Variants in ZNF30 observed in about 807,000 individuals in gnomAD.
ZNF30 encodes the protein zinc finger protein 30 (KOX 28).
ZNF30 carries 15 observed loss-of-function variants against 13.2 expected under a neutral mutation model. The observed-to-expected ratio is 1.13, with a 90% confidence interval of 0.76 to 1.75. The LOEUF (loss-of-function observed/expected upper bound fraction) is 1.75. Among genes scored for constraint, ZNF30 ranks in the 40% most tolerant of loss-of-function variants. The pLI is 0.00. For missense variants in ZNF30, 726 were observed against 757.0 expected (o/e 0.96, Z 0.48); for synonymous variants, 223 against 256.6 (o/e 0.87, Z 1.25).
intron 4 of ZNF30, 147 bp from the exon 5 acceptor site, chr19:34,943,075 TC>T: frequency 1.7e-6 from 1 of 578,588 alleles, no homozygotes; most frequent in Non-Finnish European, 2.8e-6. Context: ...ATCTCTGCAT[TC>T]CTTTTTTTTT....
intron 4 of ZNF30, among the ~76,000 whole-genome samples, chr19:34,936,615 G>C (rs1012966427): frequency 2.0e-5 from 3 of 152,182 alleles, no homozygotes; most frequent in African/African-American, 7.2e-5. Context: ...TTGGGATGCA[G>C]CTGTGCTTGG....
At position 34,943,637 on chromosome 19, in the gene ZNF30, G is replaced by T. The variant is rs759782832; in HGVS notation, c.671G>T (p.Ser224Ile). ...SGSYQLTVHKSIHTGKKPYEC... is the reference protein window; with the variant it reads ...SGSYQLTVHKIIHTGKKPYEC... ...AGCTATCAACTTACAGTACATAAGA[G>T]TATTCATACTGGGAAGAAACCATAT... Residue 224 changes from serine (S) to isoleucine (I), a missense_variant, in exon 5 of 5, where the codon AGT (serine) becomes ATT (isoleucine). By Grantham distance (142) the Ser-to-Ile change is moderately radical. Coordinates refer to ENST00000601142, the MANE Select transcript of ZNF30 (RefSeq NM_194325.3). 4 of 1,613,750 alleles carry T rather than the reference G, an allele frequency of 2.5e-6. No individual in the cohort carries two copies. The highest frequency in any genetic ancestry group is 1.7e-5 in the Admixed American group (1 of 59,976).
upstream of ZNF30, chr19:34,926,712 T>G: frequency 2.6e-6 from 1 of 381,056 alleles, no homozygotes; most frequent in Non-Finnish European, 4.6e-6. Flanking sequence ...TTTGTTTTTG[T>G]TTTTGCTTTT....
chr19:34,939,028 G>C (rs560462807), intron 4 of ZNF30, among the ~76,000 whole-genome samples: 1 of 152,102 alleles, frequency 6.6e-6, no homozygotes, highest in African/African-American at 2.4e-5. Flanking sequence ...ATTTAAAAGA[G>C]ATTCTACATT....
intron 4 of ZNF30, among the ~76,000 whole-genome samples, chr19:34,936,583 G>A (rs529248715): frequency 6.6e-6 from 1 of 152,250 alleles, no homozygotes; most frequent in South Asian, 2.1e-4. Flanking sequence ...CTCAGGGAGA[G>A]TTTAGGCTTA....
chr19:34,943,730 C>A lies in ZNF30; in HGVS notation c.764C>A (p.Thr255Asn), dbSNP rs1600233707. ...CTTACCCGGCATCAGAGTACTCACA[C>A]TGGTGAAAAACCCTTTGGGTGTGAG... ...GKLTRHQSTH[T>N]GEKPFGCEEC... Residue 255 changes from threonine (T) to asparagine (N), a missense_variant, in exon 5 of 5, where the codon ACT becomes AAT. Thr to Asn is a moderately conservative substitution (Grantham distance 65). Transcript: ENST00000601142. 3 of 1,613,822 alleles carry A rather than the reference C, an allele frequency of 1.9e-6. No individual in the cohort carries two copies. Among genetic ancestry groups the A allele is most frequent in the Non-Finnish European group, 2.5e-6 (3 of 1,179,808 alleles).
upstream of ZNF30, among the ~76,000 whole-genome samples, chr19:34,925,282 GGTTCC>G (rs757816095): frequency 7.2e-4 from 109 of 152,250 alleles, 2 homozygotes; most frequent in Admixed American, 4.6e-4. Flanking sequence ...CATATCCCGG[GGTTCC>G]TGTCTTGGTG....
At chr19:34,933,508 G>T in intron 3 of ZNF30, 120 bp from the exon 4 acceptor site, 1 of 630,774 alleles carries the variant, frequency 1.6e-6, no homozygotes. Context: ...TGCCCTTCTC[G>T]TGTCTGAGAT....
chr19:34,944,573 G>A lies in ZNF30; in HGVS notation c.1607G>A (p.Gly536Glu), dbSNP rs1000516327. The part of the protein sequence containing the change: ...YLVQHQRIHT[G>E]EKPYECNKCG... Reference sequence around the variant, plus strand: ...GTTCAGCATCAAAGAATTCATACTGGGGAGAAACCCTATGAATGTAACAAA... The same window carrying A: ...GTTCAGCATCAAAGAATTCATACTGAGGAGAAACCCTATGAATGTAACAAA... Residue 536 changes from glycine to glutamate, a missense_variant, in exon 5 of 5, where the codon GGG becomes GAG. Transcript: ENST00000601142. The A allele has an allele frequency of 2.4e-5, 39 of 1,614,028 alleles. No individual in the cohort carries two copies. The highest frequency in any genetic ancestry group is 3.0e-5 in the Non-Finnish European group (35 of 1,180,024).
chr19:34,931,729 G>A, intron 2 of ZNF30, 114 bp from the exon 3 acceptor site: 1 of 1,039,800 alleles, frequency 9.6e-7, no homozygotes, highest in Non-Finnish European at 1.4e-6. Flanking sequence ...TCATCCACTT[G>A]CCACATCATA....
intron 1 of ZNF30, 34 bp from the exon 2 acceptor site, chr19:34,929,850 T>G (rs762535733): frequency 8.6e-7 from 1 of 1,166,004 alleles, no homozygotes; most frequent in Admixed American, 2.4e-5. Context: ...TTGAGAACAC[T>G]AAAGCCTCCT....
In ZNF30 at chr19:34,931,983, G is replaced by A; in HGVS notation, c.150G>A (p.Leu50=). The change falls in exon 3 of 5, where the codon TTG becomes TTA. Residue 50 remains leucine (L), a synonymous_variant. Transcript: ENST00000601142. ...RDVMLENYRN[L]VSMGHSRSKP... ...TGATGTTGGAGAACTACAGGAACTT[G>A]GTGTCAATGGGTAAGTGTACTTCTC... The A allele has an allele frequency of 6.3e-7, 1 of 1,596,028 alleles. No individual in the cohort carries two copies. Among genetic ancestry groups the A allele is most frequent in the South Asian group, 1.1e-5 (1 of 87,474 alleles).
chr19:34,928,658 C>A (rs572243628), intron 1 of ZNF30, among the ~76,000 whole-genome samples: 1 of 151,320 alleles, frequency 6.6e-6, no homozygotes, highest in Admixed American at 6.6e-5. Flanking sequence ...CATGGTGAAA[C>A]CCTGTCTCTA....
chr19:34,941,518 C>A (rs1339910128), intron 4 of ZNF30, among the ~76,000 whole-genome samples: 1 of 152,230 alleles, frequency 6.6e-6, no homozygotes, highest in African/African-American at 2.4e-5. Context: ...CCACTGGTTT[C>A]CCAAAGTGCT....
Position 34,929,923 on chromosome 19 carries a change from G to A in ZNF30, c.-25G>A, listed in dbSNP as rs746782544. 21 of 1,603,714 alleles carry A rather than the reference G, an allele frequency of 1.3e-5. No individual in the cohort carries two copies. In the South Asian group the frequency reaches 2.4e-4, roughly 18 times the overall value. ...AGATAGAGGAACCCCAGTGAAGACT[G>A]ATCAGTTCTTACAATTCTCAAAGCA... On this transcript the variant is annotated 5_prime_UTR_variant, in exon 2 of 5. Coordinates refer to ENST00000601142, the MANE Select transcript of ZNF30 (RefSeq NM_194325.3).
intron 2 of ZNF30, among the ~76,000 whole-genome samples, chr19:34,930,422 G>A (rs1320635202): frequency 2.0e-5 from 3 of 152,190 alleles, no homozygotes; most frequent in Non-Finnish European, 1.5e-5. Context: ...ATGTGATTAT[G>A]ATGTGAAACA....
intron 4 of ZNF30, among the ~76,000 whole-genome samples, chr19:34,939,890 C>T (rs2012946496): frequency 1.3e-5 from 2 of 152,136 alleles, no homozygotes. Flanking sequence ...TTTATTCTTA[C>T]ACATGATTCT....
intron 4 of ZNF30, chr19:34,942,696 CA>C: frequency 8.1e-7 from 1 of 1,229,752 alleles, no homozygotes; most frequent in Non-Finnish European, 1.1e-6. Context: ...GTAAGAACGT[CA>C]AGGTGCTAAA....
Position 34,944,419 on chromosome 19 carries a change from G to A in ZNF30, c.1453G>A (p.Glu485Lys). 1.2e-6 allele frequency: 2 copies of A among 1,614,100 alleles called. No individual in the cohort carries two copies. The highest frequency in any genetic ancestry group is 1.7e-6 in the Non-Finnish European group (2 of 1,180,004). Residue 485 changes from glutamate to lysine, a missense_variant, in exon 5 of 5, where the codon GAA becomes AAA. Coordinates refer to ENST00000601142, the MANE Select transcript of ZNF30 (RefSeq NM_194325.3). The part of the protein sequence containing the change: ...RKIHTDVKPY[E>K]CKECGKTFSR... The stretch of plus-strand genomic sequence containing the variant: ...AATTCATACTGATGTAAAGCCCTAT[G>A]AATGTAAGGAATGTGGAAAGACTTT...
Sources: gnomAD v4.1 joint callset for allele counts (sites outside exome capture counted in the v4.1 genomes callset) on GRCh38, gnomAD v4.1.1 for gene constraint, MANE v1.5 for transcripts, NCBI Gene and HGNC (gene_info 2026-07-23, HGNC 2026-07-21) for gene names.